COL24A1: variants seen among roughly 807,000 people sequenced by gnomAD.
The protein encoded by COL24A1 is collagen alpha-1(XXIV) chain.
In COL24A1, 224 loss-of-function variants were observed where a neutral mutation model predicts 253.9. The ratio of observed to expected loss-of-function variants is 0.88; its 90% CI spans 0.79 to 0.99. The LOEUF (loss-of-function observed/expected upper bound fraction) is 0.99, where lower values mean the gene tolerates loss of function less well. Ranked by LOEUF, COL24A1 falls within the 50% of genes least tolerant of loss-of-function variation. The pLI, the probability that COL24A1 is intolerant of heterozygous loss-of-function variation, is 0.00. For missense variants in COL24A1, 2,131 were observed against 2,068.5 expected (o/e 1.03, Z -0.59); for synonymous variants, 685 against 673.7 (o/e 1.02, Z -0.26).
At chr1:85,915,383 A>T (rs1476434665) in intron 24 of COL24A1, among the ~76,000 whole-genome samples, 1 of 152,154 alleles carries the variant, frequency 6.6e-6, no homozygotes, top group Non-Finnish European at 1.5e-5. Context: ...TTGAACTCGG[A>T]CTGGAACTAT....
chr1:85,878,982 C>CTTT (rs1681516425), intron 32 of COL24A1, among the ~76,000 whole-genome samples: 2 of 151,630 alleles, frequency 1.3e-5, no homozygotes, highest in African/African-American at 4.8e-5. Flanking sequence ...GGATACAAGT[C>CTTT]TTTTATCAGA....
At chr1:85,944,249 G>GT (rs1207518617) in intron 24 of COL24A1, among the ~76,000 whole-genome samples, 1 of 152,116 alleles carries the variant, frequency 6.6e-6, no homozygotes, top group Non-Finnish European at 1.5e-5. Flanking sequence ...GGTGACATAA[G>GT]TTTTTATATA....
rs775693315 is a variant in COL24A1, at chr1:85,734,831, G to C, written c.4916C>G (p.Pro1639Arg). ...GCCATTCCATCCCTTGAAACCAATA[G>C]GCAATCCTGGGCCACTTGTTTGTGT... ...TSTQTSGPGL[P>R]IGFKGWNGQI... The change falls in exon 59 of 60, where the codon CCT (proline) becomes CGT (arginine). Residue 1639 changes from proline to arginine, a missense_variant. Transcript: ENST00000370571. The C allele has an allele frequency of 5.0e-6, 8 of 1,614,034 alleles. No individual in the cohort carries two copies.
intron 12 of COL24A1, among the ~76,000 whole-genome samples, chr1:86,037,326 T>G (rs1388271846): frequency 6.6e-6 from 1 of 152,100 alleles, no homozygotes; most frequent in African/African-American, 2.4e-5. Context: ...GCAAAGGTGA[T>G]GAGATATCAC....
chr1:86,083,096 G>A lies in COL24A1; in HGVS notation c.1707+6078C>T, dbSNP rs1424139459. On this transcript the variant is annotated intron_variant, in intron 7 of 59. Transcript: ENST00000370571. ...GCGAATCATGAGGTCAGGAAATCGA[G>A]ACCATTCTGGCTAACACGGTGAAAC... Among the ~76,000 whole-genome samples the A allele has an allele frequency of 2.6e-5, 4 of 152,128 alleles. No individual in the cohort carries two copies. The East Asian group carries it at 7.7e-4, about 29-fold the overall frequency.
intron 58 of COL24A1, among the ~76,000 whole-genome samples, chr1:85,735,584 C>A (rs1663958363): frequency 6.6e-6 from 1 of 151,844 alleles, no homozygotes; most frequent in Non-Finnish European, 1.5e-5. Context: ...TTCATTCACA[C>A]AGTGAATCGT....
intron 47 of COL24A1, among the ~76,000 whole-genome samples, chr1:85,811,518 C>A (rs1211151427): frequency 3.3e-5 from 5 of 152,174 alleles, no homozygotes; most frequent in Admixed American, 3.3e-4. Flanking sequence ...AACTACCATA[C>A]TGGTTTTTAC....
chr1:85,997,053 G>GTA lies in COL24A1; in HGVS notation c.2311-9400_2311-9399insTA, dbSNP rs1459075915. Among the ~76,000 whole-genome samples the GTA allele has an allele frequency of 4.6e-5, 3 of 64,742 alleles. No homozygotes were observed. In the East Asian group the frequency reaches 8.3e-4, roughly 18 times the overall value. 42.5% of individuals were successfully genotyped at this position (64,742 alleles called of 152,430 possible). ...TATATATATATATATGTGTGTGTGT[G>GTA]TGTATATATATATATATATATATAT... On this transcript the variant is annotated intron_variant, in intron 19 of 59. Transcript: ENST00000370571.
chr1:86,131,038 A>C (rs1401140100), intron 2 of COL24A1, among the ~76,000 whole-genome samples: 1 of 151,940 alleles, frequency 6.6e-6, no homozygotes, highest in Non-Finnish European at 1.5e-5. Context: ...TGGGATATAA[A>C]ATTCTTTCAT....
chr1:85,822,751 A>G (rs1440681745), intron 45 of COL24A1, among the ~76,000 whole-genome samples: 2 of 152,104 alleles, frequency 1.3e-5, no homozygotes, highest in Non-Finnish European at 2.9e-5. Flanking sequence ...TTAGCAACGA[A>G]CCCTGCCAAG....
intron 32 of COL24A1, among the ~76,000 whole-genome samples, chr1:85,881,886 A>G (rs116257724): frequency 0.014 from 2,174 of 151,874 alleles, 52 homozygotes; most frequent in African/African-American, 0.049. Context: ...CTTACTTTGT[A>G]TTTAATTTGC....
At chr1:85,795,131 T>C (rs1433365071) in intron 47 of COL24A1, among the ~76,000 whole-genome samples, 1 of 152,188 alleles carries the variant, frequency 6.6e-6, no homozygotes, top group African/African-American at 2.4e-5. Context: ...TGATCTGGTG[T>C]CAGTTAAGGA....
chr1:85,737,557 T>G, intron 57 of COL24A1, 52 bp from the exon 58 acceptor site: 1 of 1,249,370 alleles, frequency 8.0e-7, no homozygotes, highest in Non-Finnish European at 1.1e-6. Flanking sequence ...GCCATAATCC[T>G]TATAATTTCT....
chr1:86,013,751 G>A (rs368326358), intron 19 of COL24A1, among the ~76,000 whole-genome samples: 24 of 152,216 alleles, frequency 1.6e-4, no homozygotes, highest in East Asian at 9.7e-4. Context: ...CAGGAGAATC[G>A]CTTCAACCTG....
In COL24A1 at chr1:85,779,312, A is replaced by C. The variant is rs17128279; in HGVS notation, c.4338+1908T>G. Among the ~76,000 whole-genome samples the C allele has an allele frequency of 9.4e-3, 1,435 of 152,330 alleles. 58 individuals carry two copies. The highest frequency in any genetic ancestry group is 0.064 in the Admixed American group (974 of 15,286). ...GTGAACATCTGGCTGAATGCTAGAC[A>C]ATTAGATATGAAAAAAATGTAATCG... On this transcript the variant is annotated intron_variant, in intron 52 of 59. Coordinates refer to ENST00000370571, the MANE Select transcript of COL24A1 (RefSeq NM_152890.7).
At chr1:85,872,208 T>C (rs1315338495) in intron 35 of COL24A1, among the ~76,000 whole-genome samples, 2 of 152,122 alleles carry the variant, frequency 1.3e-5, no homozygotes, top group Non-Finnish European at 2.9e-5. Flanking sequence ...CACAAACAAA[T>C]GGAAGAACAT....
intron 22 of COL24A1, among the ~76,000 whole-genome samples, chr1:85,968,744 AG>A (rs1050295362): frequency 3.3e-5 from 5 of 152,166 alleles, no homozygotes; most frequent in Non-Finnish European, 7.4e-5. Context: ...AGCACTGTGT[AG>A]TACATTAAGA....
intron 32 of COL24A1, among the ~76,000 whole-genome samples, chr1:85,881,158 C>T (rs1681789727): frequency 6.6e-6 from 1 of 152,034 alleles, no homozygotes; most frequent in Non-Finnish European, 1.5e-5. Context: ...ATGAGATAAC[C>T]TGGAACCAGT....
At chr1:85,736,303 G>T (rs1001512686) in intron 58 of COL24A1, 18 of 456,100 alleles carry the variant, frequency 3.9e-5, no homozygotes, top group East Asian at 6.9e-5. Flanking sequence ...ATGAATCAAA[G>T]AAATTAGAGA....
Sources: gnomAD v4.1 joint callset for allele counts (sites outside exome capture counted in the v4.1 genomes callset) on GRCh38, gnomAD v4.1.1 for gene constraint, MANE v1.5 for transcripts, NCBI Gene and HGNC (gene_info 2026-07-23, HGNC 2026-07-21) for gene names.